The following SUPT5H variants were observed in gnomAD, a reference collection of about 807,000 sequenced individuals.
SUPT5H encodes SPT5 homolog, DSIF elongation factor subunit, also known as transcription elongation factor SPT5.
A neutral mutation model predicts 142.5 loss-of-function variants in SUPT5H; 24 were observed. The ratio of observed to expected loss-of-function variants is 0.17; its 90% CI spans 0.12 to 0.24. SUPT5H has a LOEUF of 0.24. Ranked by LOEUF, SUPT5H falls within the 10% of genes least tolerant of loss-of-function variation. SUPT5H has a pLI of 1.00. For missense variants in SUPT5H, 893 were observed against 1,471.8 expected, an observed-to-expected ratio of 0.61 and a Z score of 6.43; for synonymous variants, 546 against 553.0, an observed-to-expected ratio of 0.99 and a Z score of 0.18.
intron 2 of SUPT5H, 111 bp downstream of exon 2, chr19:39,446,076 C>T: frequency 8.6e-7 from 1 of 1,169,180 alleles, no homozygotes; most frequent in Non-Finnish European, 1.2e-6. Context: ...CTTCTGGGAA[C>T]TCCCAGATTG....
At chr19:39,460,538 G>A (rs1210171324) in intron 10 of SUPT5H, among the ~76,000 whole-genome samples, 1 of 152,182 alleles carries the variant, frequency 6.6e-6, no homozygotes, top group Non-Finnish European at 1.5e-5. Flanking sequence ...AGGAGTTTGA[G>A]ACCAGCCTGG....
chr19:39,470,116 C>A lies in SUPT5H; in HGVS notation c.1375-3C>A. The A allele has an allele frequency of 1.9e-6, 3 of 1,612,818 alleles. No homozygotes were observed. The highest frequency in any genetic ancestry group is 2.5e-6 in the Non-Finnish European group (3 of 1,179,346). ...TTTGTTGTCCCCACACCCAATCCCC[C>A]AGGACATGTTGGAGTTCCCAGCCCA... On this transcript the variant is annotated splice_region_variant and splice_polypyrimidine_tract_variant and intron_variant, in intron 16 of 29. Coordinates refer to ENST00000432763, the MANE Select transcript of SUPT5H (RefSeq NM_001111020.3). This position sits in a 1 kb window ranked among gnomAD's most constrained non-coding sequence, Gnocchi z 5.8.
intron 2 of SUPT5H, 108 bp from the exon 3 acceptor site, chr19:39,453,248 C>T: frequency 7.4e-7 from 1 of 1,343,880 alleles, no homozygotes. Context: ...GCAAAGTGGG[C>T]TATGATTGGC....
At chr19:39,464,095 T>C (rs977140409) in intron 10 of SUPT5H, among the ~76,000 whole-genome samples, 2 of 149,860 alleles carry the variant, frequency 1.3e-5, no homozygotes, top group African/African-American at 2.5e-5. Context: ...GCGACTCTTC[T>C]GCCTCAGCCT....
intron 28 of SUPT5H, chr19:39,475,841 G>T (rs188985285): frequency 1.0e-4 from 57 of 552,518 alleles, no homozygotes; most frequent in African/African-American, 7.9e-4. Context: ...GAGTCAAGAA[G>T]CAGTCTCCTT....
chr19:39,456,493 A>G (rs981844905), intron 3 of SUPT5H, among the ~76,000 whole-genome samples: 2 of 150,048 alleles, frequency 1.3e-5, no homozygotes, highest in African/African-American at 4.9e-5. Flanking sequence ...ATCTTGGCTC[A>G]CTGCAACCTC....
intron 10 of SUPT5H, among the ~76,000 whole-genome samples, chr19:39,462,463 G>A (rs549504470): frequency 2.0e-5 from 3 of 152,128 alleles, no homozygotes; most frequent in East Asian, 1.9e-4. Flanking sequence ...GTCGCCTTTC[G>A]TGACTGACTT....
chr19:39,459,453 G>A (rs1289560625), intron 8 of SUPT5H, 106 bp from the exon 9 acceptor site: 20 of 1,471,954 alleles, frequency 1.4e-5, no homozygotes, highest in Non-Finnish European at 1.5e-5. Flanking sequence ...TGAGTGTGAG[G>A]GAACCTGGAT....
intron 2 of SUPT5H, among the ~76,000 whole-genome samples, chr19:39,447,218 C>CA (rs1294121294): frequency 1.3e-5 from 2 of 152,098 alleles, no homozygotes; most frequent in Non-Finnish European, 2.9e-5. Context: ...GTGAGTGCAA[C>CA]AAAGAATTTA....
chr19:39,458,589 A>G lies in SUPT5H; in HGVS notation c.320-229A>G. ...GGGTGTGCCTGGACTTTGAGATGGG[A>G]ACAGCTGGAAGCCCCCCAACTTGCT... On this transcript the variant is annotated intron_variant, in intron 5 of 29. Transcript: ENST00000432763. This position sits in a 1 kb window ranked among gnomAD's most constrained non-coding sequence, Gnocchi z 4.2. The G allele has an allele frequency of 2.9e-6, 2 of 697,880 alleles. No homozygotes were observed. The highest frequency in any genetic ancestry group is 3.8e-5 in the South Asian group (2 of 52,314). 43.2% of individuals were successfully genotyped at this position (697,880 alleles called of 1,614,324 possible).
At chr19:39,468,603 G>A (rs1383138179) in intron 13 of SUPT5H, 153 bp from the exon 14 acceptor site, 3 of 644,428 alleles carry the variant, frequency 4.7e-6, no homozygotes, top group Admixed American at 2.6e-5. Context: ...GGGTTTGTGA[G>A]AAGTCACTGC....
At chr19:39,454,674 G>C (rs1047251889) in intron 3 of SUPT5H, among the ~76,000 whole-genome samples, 3 of 151,872 alleles carry the variant, frequency 2.0e-5, no homozygotes, top group Admixed American at 2.0e-4. Context: ...TTATATTTAC[G>C]GCCAAATATC....
At position 39,466,820 on chromosome 19, in the gene SUPT5H, C is replaced by T. The variant is rs950881749; in HGVS notation, c.1037+75C>T. On this transcript the variant is annotated intron_variant, in intron 13 of 29. Transcript: ENST00000432763. The surrounding 1 kb of genome is among the most constrained non-coding windows in gnomAD (Gnocchi z 4.3). ...AGAATGTGCCTTTTGCAGGTTCCTC[C>T]CCAGGGGTGGCCCCGCCACAGGTTT... is the stretch of plus-strand genomic sequence containing the variant. 1 of 1,476,624 alleles carries T rather than the reference C, an allele frequency of 6.8e-7. No homozygotes were observed. The highest frequency in any genetic ancestry group is 9.5e-7 in the Non-Finnish European group (1 of 1,056,194). 91.5% of individuals were successfully genotyped at this position (1,476,624 alleles called of 1,614,324 possible).
chr19:39,474,819 C>A lies in SUPT5H; in HGVS notation c.3024+101C>A. 1.5e-6 allele frequency: 2 copies of A among 1,340,856 alleles called. No homozygotes were observed. The highest frequency in any genetic ancestry group is 1.4e-5 in the South Asian group (1 of 73,036). The allele number at this position is 1,340,856 out of a possible 1,614,324, so 83.1% of individuals were successfully genotyped here. A position where few individuals can be genotyped will look rare whatever the true frequency, so the allele number is the denominator to read the frequency against. On this transcript the variant is annotated intron_variant, in intron 28 of 29. Coordinates refer to ENST00000432763, the MANE Select transcript of SUPT5H (RefSeq NM_001111020.3). This position sits in a 1 kb window ranked among gnomAD's most constrained non-coding sequence, Gnocchi z 6.5. The stretch of plus-strand genomic sequence containing the variant: ...CCAGATGGTGACAGCCCAGAGTGGG[C>A]AGAGCTGGGATTGAGGAAGCCTAGA...
At chr19:39,457,818 C>T (rs1178589953) in intron 4 of SUPT5H, 78 bp downstream of exon 4, 7 of 1,600,120 alleles carry the variant, frequency 4.4e-6, no homozygotes, top group Admixed American at 1.7e-5. Context: ...TTCCCCCGAC[C>T]CCCGCATCCC....
rs78220101 is a variant in SUPT5H at position 39,466,592 on chromosome 19, T to A, written c.966+23T>A. ...TTGGTACTCAGGGGAATCTGTGGCC[T>A]GGGGGGGAGGGAGTGTGCTCGATCC... On this transcript the variant is annotated intron_variant, in intron 12 of 29. Transcript: ENST00000432763. This position sits in a 1 kb window ranked among gnomAD's most constrained non-coding sequence, Gnocchi z 4.3. 6.2e-7 allele frequency: 1 copy of A among 1,613,596 alleles called. No individual in the cohort carries two copies. The highest frequency in any genetic ancestry group is 1.3e-5 in the African/African-American group (1 of 74,950).
At position 39,474,506 on chromosome 19, in the gene SUPT5H, C is replaced by A. The variant is rs200197827; in HGVS notation, c.2821-9C>A. The stretch of plus-strand genomic sequence containing the variant: ...CTATTCCCAATGACACTTCCTCTTT[C>A]CCCTGCAGGCTAGCCCCAGCCCGAG... On this transcript the variant is annotated splice_polypyrimidine_tract_variant and intron_variant, in intron 27 of 29. Coordinates refer to ENST00000432763, the MANE Select transcript of SUPT5H (RefSeq NM_001111020.3). The surrounding 1 kb of genome is among the most constrained non-coding windows in gnomAD (Gnocchi z 6.5). 4.3e-3 allele frequency: 6,981 copies of A among 1,613,940 alleles called. 25 individuals carry two copies. Among genetic ancestry groups the A allele is most frequent in the Non-Finnish European group, 5.3e-3 (6,296 of 1,179,860 alleles).
In SUPT5H at chr19:39,474,277, C is replaced by G. The variant is rs1194638325; in HGVS notation, c.2695C>G (p.Gln899Glu). The G allele has an allele frequency of 6.2e-7, 1 of 1,614,068 alleles. No individual in the cohort carries two copies. Among genetic ancestry groups the G allele is most frequent in the Admixed American group, 1.7e-5 (1 of 60,012 alleles). ...QFSPYAAPSP[Q>E]GSYQPSPSPQ... is the part of the protein sequence containing the mutation. ...CTCTCCCTATGCTGCCCCCTCCCCACAAGGTTCCTACCAGCCCAGCCCCAG... is the reference window on the plus strand; with the variant it reads ...CTCTCCCTATGCTGCCCCCTCCCCAGAAGGTTCCTACCAGCCCAGCCCCAG... The change falls in exon 27 of 30, where the codon CAA becomes GAA. Residue 899 changes from glutamine (Q) to glutamate (E), a missense_variant. By Grantham distance (29) the Gln-to-Glu change is conservative. Transcript: ENST00000432763. This position sits in a 1 kb window ranked among gnomAD's most constrained non-coding sequence, Gnocchi z 6.5.
In SUPT5H at chr19:39,445,632, C is replaced by A; in HGVS notation, c.-93C>A. 2.1e-6 allele frequency: 1 copy of A among 483,838 alleles called. No individual in the cohort carries two copies. Among genetic ancestry groups the A allele is most frequent in the Non-Finnish European group, 3.8e-6 (1 of 264,856 alleles). The allele number at this position is 483,838 out of a possible 1,614,324, so 30.0% of individuals were successfully genotyped here. A position where few individuals can be genotyped will look rare whatever the true frequency, so the allele number is the denominator to read the frequency against. Reference sequence around the variant, plus strand: ...TGGTACCGAAGGCGGAGGTGGAGCCCGAGAGGTAAGTGCGTGTGCAGAGGT... The same window carrying A: ...TGGTACCGAAGGCGGAGGTGGAGCCAGAGAGGTAAGTGCGTGTGCAGAGGT... On this transcript the variant is annotated 5_prime_UTR_variant, in exon 1 of 30. Coordinates refer to ENST00000432763, the MANE Select transcript of SUPT5H (RefSeq NM_001111020.3).
Sources: allele counts gnomAD v4.1 joint callset (sites outside exome capture counted in the v4.1 genomes callset), GRCh38; gene constraint gnomAD v4.1.1; non-coding constraint Gnocchi (gnomAD v3.1); transcripts MANE v1.5; gene names NCBI Gene and HGNC (gene_info 2026-07-23, HGNC 2026-07-21).